The following ANKRD33B variants were observed in gnomAD, a reference collection of about 807,000 sequenced individuals.
The protein encoded by ANKRD33B is ankyrin repeat domain-containing protein 33B.
Under a neutral mutation model 21.5 loss-of-function variants are expected in ANKRD33B, and 6 were observed. The ratio of observed to expected loss-of-function variants is 0.28; its 90% CI spans 0.15 to 0.55. ANKRD33B has a LOEUF of 0.55. Among genes scored for constraint, ANKRD33B ranks in the 20% least tolerant of loss-of-function variants. The pLI is 0.94. For missense variants in ANKRD33B, 698 were observed against 747.2 expected, an observed-to-expected ratio of 0.93 and a Z score of 0.77; for synonymous variants, 347 against 342.4, an observed-to-expected ratio of 1.01 and a Z score of -0.15.
chr5:10,583,563 C>T (rs1261582978), intron 1 of ANKRD33B, among the ~76,000 whole-genome samples: 1 of 152,158 alleles, frequency 6.6e-6, no homozygotes, highest in Non-Finnish European at 1.5e-5. Flanking sequence ...GTTGAAGTCA[C>T]TGGAATAGGG....
chr5:10,569,462 G>T (rs1038128493), intron 1 of ANKRD33B, among the ~76,000 whole-genome samples: 5 of 152,154 alleles, frequency 3.3e-5, no homozygotes, highest in Non-Finnish European at 5.9e-5. Flanking sequence ...CAGGCATGGT[G>T]GTGGACGCCT....
chr5:10,626,337 C>T (rs1736544669), intron 2 of ANKRD33B, among the ~76,000 whole-genome samples: 1 of 152,234 alleles, frequency 6.6e-6, no homozygotes, highest in Non-Finnish European at 1.5e-5. Flanking sequence ...ATGCAGCTGC[C>T]AAGTGGTCTT....
At chr5:10,645,375 C>G (rs1314759060) in intron 3 of ANKRD33B, among the ~76,000 whole-genome samples, 2 of 152,210 alleles carry the variant, frequency 1.3e-5, no homozygotes, top group African/African-American at 4.8e-5. Flanking sequence ...TCACGCTCCA[C>G]CCACCTCCTG....
intron 2 of ANKRD33B, among the ~76,000 whole-genome samples, chr5:10,624,046 C>G (rs1421522380): frequency 6.6e-6 from 1 of 151,962 alleles, no homozygotes; most frequent in Non-Finnish European, 1.5e-5. Context: ...GATGGGTTTA[C>G]TCTGCCTTTT....
chr5:10,588,946 G>A (rs986033358), intron 1 of ANKRD33B, among the ~76,000 whole-genome samples: 4 of 152,064 alleles, frequency 2.6e-5, no homozygotes, highest in Non-Finnish European at 4.4e-5. Context: ...CTGCCTCAGC[G>A]TCCATCTGCT....
In ANKRD33B at chr5:10,600,861, C is replaced by T. The variant is rs77412929; in HGVS notation, c.367-17472C>T. 6.7e-3 allele frequency among the ~76,000 whole-genome samples: 1,012 copies of T among 152,102 alleles called. 9 individuals carry two copies. Among genetic ancestry groups the T allele is most frequent in the African/African-American group, 0.023 (949 of 41,480 alleles). ...TTTAACCATTCTGGTGGGTGTATGG[C>T]GGTATCTCATTGTGGGTTTAATTTG... On this transcript the variant is annotated intron_variant, in intron 1 of 3. Coordinates refer to ENST00000296657, the MANE Select transcript of ANKRD33B (RefSeq NM_001164440.2).
intron 1 of ANKRD33B, among the ~76,000 whole-genome samples, chr5:10,617,277 G>A (rs966161366): frequency 2.0e-5 from 3 of 152,110 alleles, no homozygotes; most frequent in Non-Finnish European, 2.9e-5. Flanking sequence ...TCTACCTGAC[G>A]TCACCACTGG....
rs545656087 is a variant in ANKRD33B, at chr5:10,651,509, C to T, written c.*1396C>T. On this transcript the variant is annotated 3_prime_UTR_variant, in exon 4 of 4. Coordinates refer to ENST00000296657, the MANE Select transcript of ANKRD33B (RefSeq NM_001164440.2). ...TTATCAGATTTGCAGCATTCTAATT[C>T]GGCAGGGCAGGGTATGAAAGCTGGA... is the stretch of plus-strand genomic sequence containing the variant. 2.0e-5 allele frequency: 3 copies of T among 152,108 alleles called. No homozygotes were observed. The highest frequency in any genetic ancestry group is 6.5e-5 in the Admixed American group (1 of 15,274). The allele number at this position is 152,108 out of a possible 1,614,324, so 9.4% of individuals were successfully genotyped here.
chr5:10,642,596 G>A (rs1341107642), intron 3 of ANKRD33B, among the ~76,000 whole-genome samples: 2 of 152,142 alleles, frequency 1.3e-5, no homozygotes, highest in Non-Finnish European at 2.9e-5. Context: ...TGAGGCTAAT[G>A]ATAGCACCCA....
chr5:10,570,939 A>C (rs1346816828), intron 1 of ANKRD33B, among the ~76,000 whole-genome samples: 3 of 148,630 alleles, frequency 2.0e-5, no homozygotes, highest in Non-Finnish European at 4.4e-5. Context: ...AGGACTCATT[A>C]AAGAAGAGAA....
Position 10,655,959 on chromosome 5 carries a change from A to G in ANKRD33B, c.*5846A>G, listed in dbSNP as rs982896589. On this transcript the variant is annotated 3_prime_UTR_variant, in exon 4 of 4. Transcript: ENST00000296657. ...GACCATGACAGATCTTTCTAAAACA[A>G]TAAAGTCCCATTGATGACAACTGCA... 3 of 152,330 alleles carry G rather than the reference A, an allele frequency of 2.0e-5. No individual in the cohort carries two copies. Among genetic ancestry groups the G allele is most frequent in the Non-Finnish European group, 4.4e-5 (3 of 68,038 alleles). The allele number at this position is 152,330 out of a possible 1,614,324, so 9.4% of individuals were successfully genotyped here.
intron 1 of ANKRD33B, among the ~76,000 whole-genome samples, chr5:10,575,948 G>T (rs750573502): frequency 6.6e-6 from 1 of 151,656 alleles, no homozygotes. Flanking sequence ...AGGAAGCTAC[G>T]TGGGGGTTAA....
chr5:10,622,892 A>G (rs1736454867), intron 2 of ANKRD33B, among the ~76,000 whole-genome samples: 1 of 150,310 alleles, frequency 6.7e-6, no homozygotes, highest in East Asian at 2.0e-4. Context: ...AGGATGACAC[A>G]GGTCCTCTTG....
At position 10,653,611 on chromosome 5, in the gene ANKRD33B, C is replaced by T. The variant is rs1490374848; in HGVS notation, c.*3498C>T. 2 of 152,422 alleles carry T rather than the reference C, an allele frequency of 1.3e-5. No homozygotes were observed. The highest frequency in any genetic ancestry group is 2.4e-5 in the African/African-American group (1 of 41,420). The allele number at this position is 152,422 out of a possible 1,614,324, so 9.4% of individuals were successfully genotyped here. ...GTCGTAGAGGTGGACAGAAACACCC[C>T]CTCGTCTTCCTGAGCCATTTGGAAG... On this transcript the variant is annotated 3_prime_UTR_variant, in exon 4 of 4. Coordinates refer to ENST00000296657, the MANE Select transcript of ANKRD33B (RefSeq NM_001164440.2).
intron 1 of ANKRD33B, among the ~76,000 whole-genome samples, chr5:10,582,748 A>G (rs781392749): frequency 3.3e-5 from 5 of 152,166 alleles, no homozygotes; most frequent in African/African-American, 4.8e-5. Context: ...GGCCACTCAG[A>G]GTTCCCCTCC....
chr5:10,610,392 C>T (rs1050719709), intron 1 of ANKRD33B, among the ~76,000 whole-genome samples: 4 of 150,730 alleles, frequency 2.7e-5, no homozygotes, highest in African/African-American at 5.0e-5. Context: ...TTGCATAGTA[C>T]AGGGGACAGC....
At chr5:10,584,310 C>T (rs1735506872) in intron 1 of ANKRD33B, among the ~76,000 whole-genome samples, 2 of 152,172 alleles carry the variant, frequency 1.3e-5, no homozygotes, top group Admixed American at 6.5e-5. Flanking sequence ...CTTCGGGAGG[C>T]TGAAGTGGGC....
chr5:10,577,255 A>G (rs1735344265), intron 1 of ANKRD33B, among the ~76,000 whole-genome samples: 1 of 151,880 alleles, frequency 6.6e-6, no homozygotes, highest in Non-Finnish European at 1.5e-5. Flanking sequence ...TCAGCCTCCC[A>G]AGTAGCTGGG....
In ANKRD33B at chr5:10,591,194, G is replaced by GTTTTTTTTTTTTTTTTTTTT. The variant is rs749837253; in HGVS notation, c.366+26361_366+26362insTTTTTTTTTTTTTTTTTTTT. 6.2e-5 allele frequency among the ~76,000 whole-genome samples: 7 copies of GTTTTTTTTTTTTTTTTTTTT among 113,454 alleles called. 3 individuals carry two copies. Among genetic ancestry groups the GTTTTTTTTTTTTTTTTTTTT allele is most frequent in the Non-Finnish European group, 8.8e-5 (5 of 56,948 alleles). 74.4% of individuals were successfully genotyped at this position (113,454 alleles called of 152,430 possible). ...AATAGTCATCTACATTTTTTTTAGT[G>GTTTTTTTTTTTTTTTTTTTT]GTTTTTTTTTTTTTTTGAGATGGAG... On this transcript the variant is annotated intron_variant, in intron 1 of 3. Transcript: ENST00000296657.
Sources: allele counts gnomAD v4.1 joint callset (sites outside exome capture counted in the v4.1 genomes callset), GRCh38; gene constraint gnomAD v4.1.1; transcripts MANE v1.5; gene names NCBI Gene and HGNC (gene_info 2026-07-23, HGNC 2026-07-21).